The following POLA1 variants were observed in gnomAD, a reference collection of about 807,000 sequenced individuals.
POLA1 encodes the protein DNA polymerase alpha catalytic subunit.
POLA1 carries 15 observed loss-of-function variants against 124.0 expected under a neutral mutation model. The ratio of observed to expected loss-of-function variants is 0.12; its 90% CI spans 0.08 to 0.19. The LOEUF (loss-of-function observed/expected upper bound fraction) is 0.19, where lower values mean the gene tolerates loss of function less well. Ranked by LOEUF, POLA1 falls within the 10% of genes least tolerant of loss-of-function variation. The pLI is 1.00. For missense variants in POLA1, 886 were observed against 1,103.4 expected (o/e 0.80, Z 2.79); for synonymous variants, 408 against 389.4 (o/e 1.05, Z -0.56).
intron 32 of POLA1, among the ~76,000 whole-genome samples, chrX:24,840,510 AATTACTAG>A (rs2046396178): frequency 8.9e-6 from 1 of 112,009 alleles, no homozygotes; most frequent in Non-Finnish European, 1.9e-5. Context: ...AGTATTTTAT[AATTACTAG>A]ATGTCGCTTG....
chrX:24,760,133 A>G (rs1932772009), intron 26 of POLA1, among the ~76,000 whole-genome samples: 1 of 112,350 alleles, frequency 8.9e-6, no homozygotes. Context: ...CTGGTTCTAC[A>G]GTTGGTCTAG....
rs767314316 is a variant in POLA1 at position 24,896,814 on chromosome X, T to C, written c.4164+8692T>C. Among the ~76,000 whole-genome samples the C allele has an allele frequency of 7.1e-5, 8 of 112,628 alleles. No individual in the cohort carries two copies. In the East Asian group the frequency reaches 2.2e-3, roughly 31 times the overall value. ...CTAGAAGATGAAAACAGTTATAAAA[T>C]AGTACCCCTTTACTACCATAGGCAG... is the stretch of plus-strand genomic sequence containing the variant. On this transcript the variant is annotated intron_variant, in intron 35 of 36. Coordinates refer to ENST00000379068, the MANE Select transcript of POLA1 (RefSeq NM_001330360.2).
chrX:24,732,599 GTTTTTTTTT>G (rs5901763), intron 16 of POLA1, 145 bp downstream of exon 16: 16 of 206,907 alleles, frequency 7.7e-5, no homozygotes, highest in African/African-American at 5.5e-4. Context: ...GTTTTTTTTT[GTTTTTTTTT>G]TTTTTGCCAT....
intron 26 of POLA1, among the ~76,000 whole-genome samples, chrX:24,767,576 C>T (rs763713327): frequency 8.9e-6 from 1 of 112,239 alleles, no homozygotes; most frequent in Non-Finnish European, 1.9e-5. Flanking sequence ...AAATTTTTTT[C>T]TAACTGTATA....
chrX:24,978,645 A>G (rs1487850299), intron 36 of POLA1, among the ~76,000 whole-genome samples: 2 of 112,129 alleles, frequency 1.8e-5, no homozygotes, highest in African/African-American at 6.5e-5. Flanking sequence ...AGATGAGGAA[A>G]TGGAGGTCCG....
chrX:24,993,690 C>T (rs985213880), intron 36 of POLA1, among the ~76,000 whole-genome samples: 3 of 111,939 alleles, frequency 2.7e-5, no homozygotes, highest in African/African-American at 6.5e-5. Context: ...CTGTCCCTGA[C>T]GCAGCCTGTG....
rs777780070 is a variant in POLA1 at position 24,788,758 on chromosome X, A to G, written c.2965-21140A>G. 43 of 1,200,903 alleles carry G rather than the reference A, an allele frequency of 3.6e-5. No homozygotes were observed. The Admixed American group carries it at 9.2e-4, about 26-fold the overall frequency. On this transcript the variant is annotated intron_variant, in intron 26 of 36. Transcript: ENST00000379068. ...CACTTTCCTCCTCATCATCAGATCC[A>G]AAGAGGTCAATGTCATCATCATCTT... is the stretch of plus-strand genomic sequence containing the variant.
At chrX:24,815,843 T>C in intron 30 of POLA1, among the ~76,000 whole-genome samples, 2 of 112,224 alleles carry the variant, frequency 1.8e-5, no homozygotes, top group Non-Finnish European at 3.8e-5. Context: ...TTCATAGTAC[T>C]CTGTGCTAAT....
At chrX:24,831,297 C>T (rs913519468) in intron 32 of POLA1, among the ~76,000 whole-genome samples, 10 of 111,446 alleles carry the variant, frequency 9.0e-5, no homozygotes, top group Middle Eastern at 4.2e-3. Flanking sequence ...AGAATGATGC[C>T]GCCAGTGAGT....
chrX:24,720,296 C>T (rs765397519), intron 10 of POLA1, among the ~76,000 whole-genome samples: 29 of 111,712 alleles, frequency 2.6e-4, no homozygotes, highest in Non-Finnish European at 5.1e-4. Context: ...CCCACTGTAG[C>T]GTTTGTCCTA....
At chrX:24,817,517 A>G (rs1291216328) in intron 30 of POLA1, among the ~76,000 whole-genome samples, 1 of 106,303 alleles carries the variant, frequency 9.4e-6, no homozygotes, top group Non-Finnish European at 1.9e-5. Flanking sequence ...CCGAGGCAGG[A>G]GAATCGCTTG....
chrX:24,776,642 T>C (rs976250166), intron 26 of POLA1, among the ~76,000 whole-genome samples: 2 of 112,213 alleles, frequency 1.8e-5, no homozygotes, highest in Admixed American at 9.4e-5. Flanking sequence ...GGGGCCTCAT[T>C]TTCTGATGGA....
chrX:24,992,356 T>C (rs1035949833), intron 36 of POLA1, among the ~76,000 whole-genome samples: 2 of 112,316 alleles, frequency 1.8e-5, no homozygotes, highest in Non-Finnish European at 3.8e-5. Context: ...TGGGAAGCCA[T>C]GCAATTAAAA....
In POLA1 at chrX:24,887,764, GA is replaced by G. The variant is rs756959171; in HGVS notation, c.4048-233del. On this transcript the variant is annotated intron_variant, in intron 34 of 36. Coordinates refer to ENST00000379068, the MANE Select transcript of POLA1 (RefSeq NM_001330360.2). ...GAGTGAGGAAGGGTGTTTCTTTTAA[GA>G]AAAAAAAATAACATCTCATGTGATT... is the stretch of plus-strand genomic sequence containing the variant. Among the ~76,000 whole-genome samples, 492 of 103,012 alleles carry G rather than the reference GA, an allele frequency of 4.8e-3. 2 individuals are homozygous for G. The highest frequency in any genetic ancestry group is 0.016 in the African/African-American group (450 of 28,389). The allele number at this position is 103,012 out of a possible 115,157, so 89.5% of individuals were successfully genotyped here. A position where few individuals can be genotyped will look rare whatever the true frequency, so the allele number is the denominator to read the frequency against.
At chrX:24,889,492 G>T (rs760634659) in intron 35 of POLA1, among the ~76,000 whole-genome samples, 8 of 112,269 alleles carry the variant, frequency 7.1e-5, no homozygotes, top group Admixed American at 1.9e-4. Flanking sequence ...ACTAGGACAG[G>T]TCCATAATGT....
intron 4 of POLA1, among the ~76,000 whole-genome samples, chrX:24,711,541 C>T (rs182375410): frequency 9.8e-5 from 11 of 112,063 alleles, no homozygotes; most frequent in Admixed American, 8.5e-4. Flanking sequence ...GTGCATATGG[C>T]GTTTTCCTCA....
chrX:24,701,086 A>G (rs1010440346), intron 2 of POLA1, among the ~76,000 whole-genome samples: 2 of 111,989 alleles, frequency 1.8e-5, no homozygotes, highest in African/African-American at 6.5e-5. Context: ...AACAAAAATA[A>G]TAACGCCAGT....
At chrX:24,730,881 T>G (rs7058015) in intron 15 of POLA1, among the ~76,000 whole-genome samples, 1 of 112,381 alleles carries the variant, frequency 8.9e-6, no homozygotes, top group African/African-American at 3.2e-5. Context: ...AGGGATTGAA[T>G]GAAGGTTTTT....
At chrX:24,823,782 GGTTTT>G (rs1344595032) in intron 31 of POLA1, among the ~76,000 whole-genome samples, 3 of 112,193 alleles carry the variant, frequency 2.7e-5, no homozygotes, top group Non-Finnish European at 3.8e-5. Context: ...ATCCTAAACA[GGTTTT>G]GTTTTGTTTT....
Sources: allele counts gnomAD v4.1 joint callset (sites outside exome capture counted in the v4.1 genomes callset), GRCh38; gene constraint gnomAD v4.1.1; transcripts MANE v1.5; gene names NCBI Gene and HGNC (gene_info 2026-07-23, HGNC 2026-07-21).